Variants in ZC3H12B observed in about 807,000 individuals in gnomAD.
The protein encoded by ZC3H12B is zinc finger CCCH-type containing 12B, also known as probable ribonuclease ZC3H12B.
A neutral mutation model predicts 43.9 loss-of-function variants in ZC3H12B; 7 were observed. That is an observed-to-expected ratio of 0.16 (90% CI 0.09 to 0.30). The LOEUF is 0.30. ZC3H12B is among the 10% of genes least tolerant of loss of function. The pLI, the probability that ZC3H12B is intolerant of heterozygous loss-of-function variation, is 1.00. For missense variants in ZC3H12B, 475 were observed against 670.2 expected, an observed-to-expected ratio of 0.71 and a Z score of 3.22; for synonymous variants, 222 against 241.7, an observed-to-expected ratio of 0.92 and a Z score of 0.76.
chrX:65,440,204 G>A (rs1419847679), intron 3 of ZC3H12B, among the ~76,000 whole-genome samples: 6 of 111,686 alleles, frequency 5.4e-5, no homozygotes, highest in African/African-American at 2.0e-4. Flanking sequence ...GCAACTAGGC[G>A]ATCAGCCATT....
intron 3 of ZC3H12B, among the ~76,000 whole-genome samples, chrX:65,458,498 C>A (rs59500594): frequency 0.083 from 9,248 of 111,414 alleles, 1,029 homozygotes; most frequent in African/African-American, 0.29. Flanking sequence ...ACAGGAATCA[C>A]AACAAACTGT....
chrX:65,138,338 T>C, the ZC3H12B span, among the ~76,000 whole-genome samples: 1 of 111,785 alleles, frequency 8.9e-6, no homozygotes, highest in African/African-American at 3.3e-5. Context: ...GTGGAATTCA[T>C]CTTTTTTGCC....
the ZC3H12B span, among the ~76,000 whole-genome samples, chrX:65,053,867 A>G: frequency 8.9e-6 from 1 of 111,988 alleles, no homozygotes; most frequent in Non-Finnish European, 1.9e-5. Flanking sequence ...AGTGATGATG[A>G]GCATTTTTTC....
At chrX:65,113,486 G>T in the ZC3H12B span, among the ~76,000 whole-genome samples, 2 of 109,714 alleles carry the variant, frequency 1.8e-5, no homozygotes, top group African/African-American at 3.3e-5. Context: ...ATCACTTGAG[G>T]CCAGGAGTTT....
the ZC3H12B span, among the ~76,000 whole-genome samples, chrX:65,200,274 A>G: frequency 9.0e-6 from 1 of 110,720 alleles, no homozygotes; most frequent in Non-Finnish European, 1.9e-5. Context: ...GTCTGTGCAT[A>G]TCCTTTGCCC....
the ZC3H12B span, among the ~76,000 whole-genome samples, chrX:65,188,715 G>C: frequency 2.7e-5 from 3 of 109,373 alleles, no homozygotes; most frequent in Non-Finnish European, 5.7e-5. Flanking sequence ...GATTGTTGTT[G>C]GCATGTAGAA....
chrX:65,395,011 C>A (rs2066677755), intron 2 of ZC3H12B, among the ~76,000 whole-genome samples: 1 of 111,233 alleles, frequency 9.0e-6, no homozygotes, highest in Non-Finnish European at 1.9e-5. Context: ...GGTTCTCTGT[C>A]TATTATTGGT....
intron 2 of ZC3H12B, among the ~76,000 whole-genome samples, chrX:65,387,574 C>T (rs983531671): frequency 4.5e-4 from 50 of 111,936 alleles, no homozygotes; most frequent in African/African-American, 1.6e-3. Context: ...AGCACACTGA[C>T]TGGTCTTGAC....
At chrX:65,445,619 G>A (rs962075809) in intron 3 of ZC3H12B, among the ~76,000 whole-genome samples, 1 of 112,321 alleles carries the variant, frequency 8.9e-6, no homozygotes, top group Non-Finnish European at 1.9e-5. Context: ...CAAAGTAGTG[G>A]GTCTCACCCA....
At chrX:65,211,086 AAG>A in the ZC3H12B span, among the ~76,000 whole-genome samples, 177 of 82,101 alleles carry the variant, frequency 2.2e-3, 1 homozygote, top group African/African-American at 0.019. Context: ...AAAAAAAAGA[AAG>A]AAAAAAAAAA....
At chrX:65,417,662 T>C (rs1279261276) in intron 3 of ZC3H12B, among the ~76,000 whole-genome samples, 1 of 112,764 alleles carries the variant, frequency 8.9e-6, no homozygotes, top group Non-Finnish European at 1.9e-5. Context: ...CTGGCCTTTC[T>C]CTAGTCTAAG....
At chrX:65,294,868 C>T in the ZC3H12B span, among the ~76,000 whole-genome samples, 1 of 110,387 alleles carries the variant, frequency 9.1e-6, no homozygotes, top group Non-Finnish European at 1.9e-5. Flanking sequence ...AGTACTAGAC[C>T]TAAGAAATGA....
At chrX:65,387,505 C>A (rs1325121464) in intron 2 of ZC3H12B, among the ~76,000 whole-genome samples, 1 of 111,962 alleles carries the variant, frequency 8.9e-6, no homozygotes, top group Non-Finnish European at 1.9e-5. Context: ...AGATCTTCCT[C>A]CATCCCTTTA....
chrX:65,317,581 G>GT, the ZC3H12B span, among the ~76,000 whole-genome samples: 3 of 108,561 alleles, frequency 2.8e-5, no homozygotes, highest in Non-Finnish European at 5.7e-5. Context: ...TTCTTATGCC[G>GT]TTGCATCCTC....
the ZC3H12B span, among the ~76,000 whole-genome samples, chrX:65,085,771 G>GA: frequency 4.3e-3 from 394 of 91,514 alleles, no homozygotes; most frequent in East Asian, 8.3e-3. Context: ...CTCGAAAAAA[G>GA]AAAAAAAAAA....
chrX:65,251,794 A>C, the ZC3H12B span, among the ~76,000 whole-genome samples: 1 of 111,632 alleles, frequency 9.0e-6, no homozygotes, highest in Admixed American at 9.5e-5. Flanking sequence ...TTGTATCCTG[A>C]GACTTTGCTG....
intron 3 of ZC3H12B, among the ~76,000 whole-genome samples, chrX:65,468,650 A>ATTTTTTTTTTTTTT (rs60716703): frequency 5.3e-5 from 4 of 74,934 alleles, no homozygotes; most frequent in African/African-American, 1.8e-4. Context: ...TGCCCGGCTA[A>ATTTTTTTTTTTTTT]TTTTTTTTTT....
At chrX:65,100,839 G>A in the ZC3H12B span, among the ~76,000 whole-genome samples, 3 of 110,617 alleles carry the variant, frequency 2.7e-5, no homozygotes, top group Non-Finnish European at 3.8e-5. Context: ...TTGGATCAAC[G>A]AGACAAAATT....
chrX:65,488,651 G>A, upstream of ZC3H12B: 1 of 624,354 alleles, frequency 1.6e-6, no homozygotes, highest in Admixed American at 4.5e-5. Flanking sequence ...TGTAGGGACT[G>A]ATAACATCTG....
Sources: gnomAD v4.1 joint callset for allele counts (sites outside exome capture counted in the v4.1 genomes callset) on GRCh38, gnomAD v4.1.1 for gene constraint, MANE v1.5 for transcripts, NCBI Gene and HGNC (gene_info 2026-07-23, HGNC 2026-07-21) for gene names.